The following SNX19 variants were observed in gnomAD, a reference collection of about 807,000 sequenced individuals.
SNX19 encodes the protein sorting nexin 19, also known as sorting nexin-19.
Under a neutral mutation model 85.2 loss-of-function variants are expected in SNX19, and 60 were observed. The observed-to-expected ratio is 0.70, with a 90% confidence interval of 0.57 to 0.87. SNX19 has a LOEUF of 0.87. SNX19 is among the 40% of genes least tolerant of loss of function. The pLI is 0.00. For synonymous variants in SNX19, 520 were observed against 470.0 expected, an observed-to-expected ratio of 1.11 and a Z score of -1.38; for missense variants, 1,201 against 1,217.8, an observed-to-expected ratio of 0.99 and a Z score of 0.21.
chr11:130,899,705 T>C (rs1355377087), intron 8 of SNX19, among the ~76,000 whole-genome samples: 1 of 152,224 alleles, frequency 6.6e-6, no homozygotes, highest in East Asian at 1.9e-4. Flanking sequence ...TGAACATGTA[T>C]AAAACATCTT....
chr11:130,880,006 A>G lies in SNX19; in HGVS notation c.2759-295T>C, dbSNP rs149171595. Among the ~76,000 whole-genome samples the G allele has an allele frequency of 3.7e-4, 56 of 152,308 alleles. No individual in the cohort carries two copies. The East Asian group carries it at 0.01, about 27-fold the overall frequency. ...TTAGGTTGGCAAACAGAGTTATAAT[A>G]ATAAGGGTAAATAAAACTGATTGTC... On this transcript the variant is annotated intron_variant, in intron 9 of 10. Coordinates refer to ENST00000265909, the MANE Select transcript of SNX19 (RefSeq NM_014758.3).
At position 130,875,347 on chromosome 11, in the gene SNX19, G is replaced by C. The variant is rs1005874677; in HGVS notation, c.*3075C>G. ...GTAGAACAGTGATTGCCAGAGGCTGGTGGGAGGGGAAACGAGGAGTGGCTG... is the reference window on the plus strand; with the variant it reads ...GTAGAACAGTGATTGCCAGAGGCTGCTGGGAGGGGAAACGAGGAGTGGCTG... On this transcript the variant is annotated 3_prime_UTR_variant, in exon 11 of 11. Coordinates refer to ENST00000265909, the MANE Select transcript of SNX19 (RefSeq NM_014758.3). 2 of 152,304 alleles carry C rather than the reference G, an allele frequency of 1.3e-5. No homozygotes were observed. The highest frequency in any genetic ancestry group is 2.4e-5 in the African/African-American group (1 of 41,470). 9.4% of individuals were successfully genotyped at this position (152,304 alleles called of 1,614,324 possible).
Position 130,915,919 on chromosome 11 carries a change from T to C in SNX19, c.21A>G (p.Pro7=), listed in dbSNP as rs768548821. ...ATCCAGCTGGAGTTTCCTGGAACGG[T>C]GGCACTGTTTCTGTCTTCATGGCTG... MKTETV[P]PFQETPAGSS... is the part of the protein sequence containing the mutation. The change falls in exon 1 of 11, where the codon CCA becomes CCG. Residue 7 remains proline, a synonymous_variant. Transcript: ENST00000265909. The C allele has an allele frequency of 1.1e-5, 17 of 1,613,910 alleles. No individual in the cohort carries two copies. Among genetic ancestry groups the C allele is most frequent in the Non-Finnish European group, 1.0e-5 (12 of 1,179,834 alleles).
intron 8 of SNX19, among the ~76,000 whole-genome samples, chr11:130,890,286 A>T (rs2135323122): frequency 6.6e-6 from 1 of 152,184 alleles, no homozygotes; most frequent in Middle Eastern, 3.4e-3. Flanking sequence ...CCCCTTTACC[A>T]TCTCTATAGC....
At position 130,872,466 on chromosome 11, in the gene SNX19, T is replaced by C. The variant is rs530556265; in HGVS notation, c.*5956A>G. Among the ~76,000 whole-genome samples, 6 of 152,306 alleles carry C rather than the reference T, an allele frequency of 3.9e-5. No individual in the cohort carries two copies. Among genetic ancestry groups the C allele is most frequent in the South Asian group, 4.1e-4 (2 of 4,832 alleles). ...ATTCTTCTGGATTTCCTTTTTTTTT[T>C]TCTCTCTTAAACCAGTCAATGTTGT... On this transcript the variant is annotated 3_prime_UTR_variant, in exon 11 of 11. Coordinates refer to ENST00000265909, the MANE Select transcript of SNX19 (RefSeq NM_014758.3).
chr11:130,905,835 C>A (rs1400346432), intron 7 of SNX19, 118 bp downstream of exon 7: 3 of 1,566,704 alleles, frequency 1.9e-6, no homozygotes, highest in East Asian at 2.3e-5. Flanking sequence ...GAGTTCAACA[C>A]ATGGCATGCT....
rs1367251821 is a variant in SNX19 at position 130,915,174 on chromosome 11, C to G, written c.766G>C (p.Asp256His). The G allele has an allele frequency of 6.2e-7, 1 of 1,614,104 alleles. No individual in the cohort carries two copies. The highest frequency in any genetic ancestry group is 8.5e-7 in the Non-Finnish European group (1 of 1,180,056). Reference protein sequence around the residue: ...VILPLISRLSDPDWIHLVLVG... With the variant: ...VILPLISRLSHPDWIHLVLVG... ...AGTACAAGGTGGATCCAGTCAGGAT[C>G]TGACAGCCTGCTGATCAGTGGTAAG... The change falls in exon 1 of 11, where the codon GAT (aspartate) becomes CAT (histidine). Residue 256 changes from aspartate to histidine, a missense_variant. Coordinates refer to ENST00000265909, the MANE Select transcript of SNX19 (RefSeq NM_014758.3).
chr11:130,877,689 T>C lies in SNX19; in HGVS notation c.*733A>G, dbSNP rs1466812205. 1 of 152,560 alleles carries C rather than the reference T, an allele frequency of 6.6e-6. No homozygotes were observed. Among genetic ancestry groups the C allele is most frequent in the Admixed American group, 6.5e-5 (1 of 15,274 alleles). 9.5% of individuals were successfully genotyped at this position (152,560 alleles called of 1,614,324 possible). ...CAATAAATAAAATGGGTGGTATAAA[T>C]GCCTTTCAGGAAAGGGTGTGAAGGG... On this transcript the variant is annotated 3_prime_UTR_variant, in exon 11 of 11. Transcript: ENST00000265909.
At chr11:130,898,837 G>C (rs769015756) in intron 8 of SNX19, among the ~76,000 whole-genome samples, 6 of 151,462 alleles carry the variant, frequency 4.0e-5, no homozygotes, top group Non-Finnish European at 7.4e-5. Flanking sequence ...ATGCAGTTTG[G>C]ATTCTACAAA....
intron 4 of SNX19, 185 bp from the exon 5 acceptor site, chr11:130,908,268 T>C (rs1945830195): frequency 4.0e-6 from 2 of 499,150 alleles, no homozygotes; most frequent in Non-Finnish European, 6.5e-6. Context: ...TCTTTCCTTT[T>C]TTCCATGGCC....
intron 8 of SNX19, among the ~76,000 whole-genome samples, chr11:130,881,558 G>A (rs1943675676): frequency 1.3e-5 from 2 of 152,178 alleles, no homozygotes; most frequent in South Asian, 2.1e-4. Flanking sequence ...CGGACTTAGC[G>A]ATCTTTAAAC....
intron 8 of SNX19, among the ~76,000 whole-genome samples, chr11:130,892,234 A>T (rs1193377123): frequency 6.6e-6 from 1 of 151,064 alleles, no homozygotes; most frequent in East Asian, 1.9e-4. Context: ...TGCTACCGAC[A>T]TACTATAATC....
intron 4 of SNX19, among the ~76,000 whole-genome samples, chr11:130,909,584 C>T (rs4402303): frequency 0.16 from 24,199 of 152,126 alleles, 2,204 homozygotes; most frequent in Middle Eastern, 0.25. Flanking sequence ...TGTTCTCTAG[C>T]GGAGAACCAT....
In SNX19 at chr11:130,873,992, G is replaced by C. The variant is rs1298886621; in HGVS notation, c.*4430C>G. On this transcript the variant is annotated 3_prime_UTR_variant, in exon 11 of 11. Transcript: ENST00000265909. Reference sequence around the variant, plus strand: ...GTGTCAGTGGATTGGCATGAGGTGGGTGGTTCTAGCCAATGAGTCATAAGA... The same window carrying C: ...GTGTCAGTGGATTGGCATGAGGTGGCTGGTTCTAGCCAATGAGTCATAAGA... 1.3e-5 allele frequency among the ~76,000 whole-genome samples: 2 copies of C among 151,906 alleles called. No homozygotes were observed. The highest frequency in any genetic ancestry group is 2.1e-4 in the South Asian group (1 of 4,806).
intron 1 of SNX19, among the ~76,000 whole-genome samples, chr11:130,912,854 T>A (rs1360423613): frequency 6.6e-6 from 1 of 152,194 alleles, no homozygotes; most frequent in Non-Finnish European, 1.5e-5. Flanking sequence ...AACACCGTTA[T>A]GGTTACTTCC....
intron 8 of SNX19, among the ~76,000 whole-genome samples, chr11:130,890,224 T>C (rs142437949): frequency 3.3e-5 from 5 of 152,282 alleles, no homozygotes; most frequent in Non-Finnish European, 7.4e-5. Flanking sequence ...ATCATTTAAA[T>C]AGTCACTAAA....
intron 8 of SNX19, among the ~76,000 whole-genome samples, chr11:130,883,700 T>C (rs1943851462): frequency 1.3e-5 from 2 of 152,224 alleles, no homozygotes; most frequent in Non-Finnish European, 2.9e-5. Flanking sequence ...GGCTTTATCC[T>C]AGGCCTTTGG....
At chr11:130,896,149 G>T (rs7110968) in intron 8 of SNX19, among the ~76,000 whole-genome samples, 96,637 of 152,046 alleles carry the variant, frequency 0.64, 30,989 homozygotes, top group South Asian at 0.8. Flanking sequence ...AATTTTGTAT[G>T]TGGGGGTCTT....
chr11:130,910,257 G>A lies in SNX19; in HGVS notation c.1914+13C>T, dbSNP rs1335218011. 5 of 1,613,086 alleles carry A rather than the reference G, an allele frequency of 3.1e-6. No individual in the cohort carries two copies. Among genetic ancestry groups the A allele is most frequent in the Non-Finnish European group, 4.2e-6 (5 of 1,179,448 alleles). ...TTAAAGTGAGAACAAGGCCAAAAGA[G>A]AAGGATGCTGACCTTTAGGAATGAT... On this transcript the variant is annotated intron_variant, in intron 3 of 10. Transcript: ENST00000265909.
Sources: allele counts gnomAD v4.1 joint callset (sites outside exome capture counted in the v4.1 genomes callset), GRCh38; gene constraint gnomAD v4.1.1; transcripts MANE v1.5; gene names NCBI Gene and HGNC (gene_info 2026-07-23, HGNC 2026-07-21).